Variants in FAM178B observed in about 807,000 individuals in gnomAD.
The protein encoded by FAM178B is family with sequence similarity 178 member B.
FAM178B carries 82 observed loss-of-function variants against 91.7 expected under a neutral mutation model. The observed-to-expected ratio is 0.89, with a 90% CI of 0.75 to 1.07. FAM178B has a LOEUF of 1.07. FAM178B is among the 50% of genes least tolerant of loss of function. The pLI is 0.00. For synonymous variants in FAM178B, 368 were observed against 359.4 expected, an observed-to-expected ratio of 1.02 and a Z score of -0.27; for missense variants, 769 against 846.7, an observed-to-expected ratio of 0.91 and a Z score of 1.14.
intron 4 of FAM178B, among the ~76,000 whole-genome samples, chr2:96,969,904 G>C (rs902612231): frequency 2.0e-5 from 3 of 152,226 alleles, no homozygotes; most frequent in Non-Finnish European, 4.4e-5. Flanking sequence ...GAGGAGGGTG[G>C]AAAGAGTGGG....
chr2:96,924,486 G>C (rs1023894827), intron 9 of FAM178B, among the ~76,000 whole-genome samples: 2 of 152,214 alleles, frequency 1.3e-5, no homozygotes, highest in African/African-American at 4.8e-5. Context: ...GCTGGGGAAA[G>C]AAAAATCCCC....
chr2:96,959,199 GAAA>G (rs57498168), intron 6 of FAM178B, among the ~76,000 whole-genome samples: 1 of 82,122 alleles, frequency 1.2e-5, no homozygotes. Flanking sequence ...ACTCAGTTTT[GAAA>G]AAAAAAAAAA....
At chr2:96,958,027 T>C (rs1340588150) in intron 6 of FAM178B, among the ~76,000 whole-genome samples, 2 of 152,108 alleles carry the variant, frequency 1.3e-5, no homozygotes, top group Admixed American at 1.3e-4. Flanking sequence ...ATCATCTAAT[T>C]GGAATGTTTG....
intron 1 of FAM178B, 27 bp from the exon 2 acceptor site, chr2:96,972,633 G>A (rs1331452592): frequency 1.9e-6 from 3 of 1,546,354 alleles, no homozygotes; most frequent in Non-Finnish European, 2.6e-6. Context: ...GTGAGGGCAG[G>A]TGAACCTCCA....
intron 8 of FAM178B, among the ~76,000 whole-genome samples, chr2:96,942,383 A>T (rs2081747207): frequency 6.6e-6 from 1 of 152,168 alleles, no homozygotes; most frequent in African/African-American, 2.4e-5. Context: ...AATGGAAAGG[A>T]CCCCAAACAG....
chr2:96,984,484 A>T (rs2082399639), intron 1 of FAM178B, among the ~76,000 whole-genome samples: 1 of 152,120 alleles, frequency 6.6e-6, no homozygotes, highest in Admixed American at 6.6e-5. Flanking sequence ...ACCAAGACTC[A>T]AGCAGATGAT....
At position 96,986,472 on chromosome 2, in the gene FAM178B, C is replaced by A; in HGVS notation, c.-159G>T. ...GTTGCGTCCCTAGATCCAGGGCCGC[C>A]AACGTGGAACCTAAAGATCCAGTTC... On this transcript the variant is annotated 5_prime_UTR_variant, in exon 1 of 17. Coordinates refer to ENST00000490605, the MANE Select transcript of FAM178B (RefSeq NM_001122646.3). 1 of 794,016 alleles carries A rather than the reference C, an allele frequency of 1.3e-6. No homozygotes were observed. Among genetic ancestry groups the A allele is most frequent in the Non-Finnish European group, 1.9e-6 (1 of 520,670 alleles). The allele number at this position is 794,016 out of a possible 1,614,324, so 49.2% of individuals were successfully genotyped here.
At chr2:96,890,270 C>G (rs1559052913) in intron 14 of FAM178B, among the ~76,000 whole-genome samples, 1 of 152,034 alleles carries the variant, frequency 6.6e-6, no homozygotes, top group South Asian at 2.1e-4. Context: ...CAGAGCAAGA[C>G]TCCGTCTCAA....
rs987778416 is a variant in FAM178B, at chr2:96,926,174, G to A, written c.1194-2591C>T. On this transcript the variant is annotated intron_variant, in intron 9 of 16. Transcript: ENST00000490605. Reference sequence around the variant, plus strand: ...CAAAAATTAGCAAGCATTGTAGTACGCACCTGTAATCCCAGGTACTCAGGA... The same window carrying A: ...CAAAAATTAGCAAGCATTGTAGTACACACCTGTAATCCCAGGTACTCAGGA... Among the ~76,000 whole-genome samples, 13 of 152,232 alleles carry A rather than the reference G, an allele frequency of 8.5e-5. No individual in the cohort carries two copies. The East Asian group carries it at 1.2e-3, about 14-fold the overall frequency.
At chr2:96,908,494 G>A (rs1422936497) in intron 12 of FAM178B, among the ~76,000 whole-genome samples, 1 of 152,064 alleles carries the variant, frequency 6.6e-6, no homozygotes, top group Non-Finnish European at 1.5e-5. Context: ...GAGGTCAGGA[G>A]TTCGAGGCCA....
At position 96,877,938 on chromosome 2, in the gene FAM178B, G is replaced by A; in HGVS notation, c.1959C>T (p.Thr653=). The A allele has an allele frequency of 6.2e-7, 1 of 1,613,844 alleles. No homozygotes were observed. Among genetic ancestry groups the A allele is most frequent in the South Asian group, 1.1e-5 (1 of 91,084 alleles). Residue 653 remains threonine, a synonymous_variant, in exon 16 of 17, where the codon ACC becomes ACT. Transcript: ENST00000490605. ...GCTCCTGCCAACGGATGTAGGTCTG[G>A]GTAGCCAGGTCCTTGAGCATGGTGC... is the stretch of plus-strand genomic sequence containing the variant. ...MHRTMLKDLA[T]QTYIRWQELL...
intron 5 of FAM178B, among the ~76,000 whole-genome samples, chr2:96,961,609 G>C (rs1052230941): frequency 2.0e-5 from 3 of 152,144 alleles, no homozygotes; most frequent in Admixed American, 6.5e-5. Context: ...CTCTAATCAG[G>C]AGACGGCCCA....
intron 4 of FAM178B, among the ~76,000 whole-genome samples, chr2:96,968,284 G>A (rs1216157554): frequency 6.6e-6 from 1 of 152,010 alleles, no homozygotes; most frequent in East Asian, 1.9e-4. Flanking sequence ...CTGGGGCTCT[G>A]TTTTCCGCCA....
intron 12 of FAM178B, among the ~76,000 whole-genome samples, chr2:96,908,891 AC>A (rs2081102674): frequency 6.6e-6 from 1 of 152,090 alleles, no homozygotes; most frequent in South Asian, 2.1e-4. Context: ...CTCGCCTGTA[AC>A]CCCAGCACTT....
intron 6 of FAM178B, 67 bp from the exon 7 acceptor site, chr2:96,951,551 G>A (rs922807024): frequency 8.1e-6 from 10 of 1,228,176 alleles, no homozygotes; most frequent in Middle Eastern, 1.9e-4. Flanking sequence ...GTGACACCGC[G>A]GGAGGCTGTC....
intron 6 of FAM178B, among the ~76,000 whole-genome samples, chr2:96,954,006 T>C (rs2081964705): frequency 6.6e-6 from 1 of 152,186 alleles, no homozygotes; most frequent in Non-Finnish European, 1.5e-5. Context: ...GGTGACAGAA[T>C]TGGCTGTTGT....
intron 14 of FAM178B, among the ~76,000 whole-genome samples, chr2:96,884,630 G>A (rs932497211): frequency 6.6e-6 from 1 of 152,214 alleles, no homozygotes; most frequent in Non-Finnish European, 1.5e-5. Context: ...GAAAGGGGAT[G>A]CATTTTCCTA....
At chr2:96,876,401 C>A in intron 16 of FAM178B, 93 bp from the exon 17 acceptor site, 1 of 1,487,590 alleles carries the variant, frequency 6.7e-7, no homozygotes, top group Non-Finnish European at 9.1e-7. Context: ...CCATTCAGCA[C>A]CCATCGCAGG....
At chr2:96,938,854 C>A (rs1315590752) in intron 8 of FAM178B, 3 of 152,334 alleles carry the variant, frequency 2.0e-5, no homozygotes, top group African/African-American at 4.8e-5. Context: ...CAGGGCAGGC[C>A]TCCTTGAGCA....
Sources: gnomAD v4.1 joint callset for allele counts (sites outside exome capture counted in the v4.1 genomes callset) on GRCh38, gnomAD v4.1.1 for gene constraint, MANE v1.5 for transcripts, NCBI Gene and HGNC (gene_info 2026-07-23, HGNC 2026-07-21) for gene names.